The following KCTD16 variants were observed in gnomAD, a reference collection of about 807,000 sequenced individuals.
KCTD16 encodes BTB/POZ domain-containing protein KCTD16.
A neutral mutation model predicts 33.2 loss-of-function variants in KCTD16; 13 were observed. The ratio of observed to expected loss-of-function variants is 0.39; its 90% CI spans 0.25 to 0.62. The LOEUF (loss-of-function observed/expected upper bound fraction) is 0.62, where lower values mean the gene tolerates loss of function less well. Ranked by LOEUF, KCTD16 falls within the 20% of genes least tolerant of loss-of-function variation. The pLI, the probability that KCTD16 is intolerant of heterozygous loss-of-function variation, is 0.50. For synonymous variants in KCTD16, 197 were observed against 195.3 expected (o/e 1.01, Z -0.07); for missense variants, 441 against 525.1 (o/e 0.84, Z 1.57).
intron 3 of KCTD16, among the ~76,000 whole-genome samples, chr5:144,403,288 A>G (rs1273872837): frequency 6.6e-6 from 1 of 152,224 alleles, no homozygotes; most frequent in African/African-American, 2.4e-5. Flanking sequence ...TGGAAATAGC[A>G]TCTTTGTAGA....
intron 2 of KCTD16, among the ~76,000 whole-genome samples, chr5:144,189,292 A>G (rs1245147783): frequency 6.6e-6 from 1 of 152,046 alleles, no homozygotes; most frequent in Non-Finnish European, 1.5e-5. Context: ...GGAGATTGAG[A>G]CCATCCTGGC....
intron 3 of KCTD16, among the ~76,000 whole-genome samples, chr5:144,229,583 C>A (rs1287892877): frequency 6.6e-6 from 1 of 152,046 alleles, no homozygotes; most frequent in African/African-American, 2.4e-5. Context: ...CTCTTTTGTC[C>A]ACATTTTAGA....
intron 3 of KCTD16, among the ~76,000 whole-genome samples, chr5:144,271,206 A>G (rs1421567977): frequency 6.6e-6 from 1 of 152,090 alleles, no homozygotes; most frequent in Non-Finnish European, 1.5e-5. Context: ...TTAGACAAAA[A>G]TACTTCAAAG....
chr5:144,224,665 A>G (rs1753874234), intron 3 of KCTD16, among the ~76,000 whole-genome samples: 1 of 152,210 alleles, frequency 6.6e-6, no homozygotes, highest in Non-Finnish European at 1.5e-5. Context: ...CCAAACAACC[A>G]GATACAATGT....
intron 3 of KCTD16, among the ~76,000 whole-genome samples, chr5:144,331,128 T>C (rs1274228276): frequency 6.6e-6 from 1 of 152,224 alleles, no homozygotes; most frequent in Non-Finnish European, 1.5e-5. Context: ...TAAGAGTTTC[T>C]GCTTTAGGCA....
intron 3 of KCTD16, among the ~76,000 whole-genome samples, chr5:144,407,689 C>T (rs966151254): frequency 3.9e-5 from 6 of 152,278 alleles, no homozygotes; most frequent in South Asian, 2.1e-4. Flanking sequence ...TGCTTTCCCT[C>T]TCCTTGCCTC....
intron 3 of KCTD16, among the ~76,000 whole-genome samples, chr5:144,322,346 T>C (rs1752093559): frequency 1.3e-5 from 2 of 152,106 alleles, no homozygotes; most frequent in African/African-American, 2.4e-5. Flanking sequence ...TCCTACTGTT[T>C]GGTATAAAGA....
At chr5:144,373,668 T>C (rs1469494879) in intron 3 of KCTD16, among the ~76,000 whole-genome samples, 2 of 152,196 alleles carry the variant, frequency 1.3e-5, no homozygotes, top group African/African-American at 4.8e-5. Flanking sequence ...TAGATCTTTG[T>C]CATTCTTTTT....
intron 3 of KCTD16, among the ~76,000 whole-genome samples, chr5:144,378,408 A>T (rs1561586165): frequency 1.3e-5 from 2 of 152,148 alleles, no homozygotes; most frequent in Non-Finnish European, 2.9e-5. Flanking sequence ...TTGAATCAAT[A>T]CTATTTTTTA....
intron 3 of KCTD16, among the ~76,000 whole-genome samples, chr5:144,386,243 G>C (rs1752321099): frequency 6.6e-6 from 1 of 152,066 alleles, no homozygotes; most frequent in African/African-American, 2.4e-5. Flanking sequence ...GTGTAGCTAG[G>C]GTGTGTACTT....
intron 3 of KCTD16, among the ~76,000 whole-genome samples, chr5:144,344,228 A>G (rs1254629172): frequency 6.6e-6 from 1 of 152,224 alleles, no homozygotes; most frequent in African/African-American, 2.4e-5. Flanking sequence ...TTAAAGACTT[A>G]AACGTTATAC....
intron 2 of KCTD16, among the ~76,000 whole-genome samples, chr5:144,203,134 A>G (rs1753080626): frequency 6.6e-6 from 1 of 152,174 alleles, no homozygotes; most frequent in South Asian, 2.1e-4. Context: ...AAAGTAACCT[A>G]ACCTATAAAA....
At chr5:144,408,209 G>A (rs1752856299) in intron 3 of KCTD16, among the ~76,000 whole-genome samples, 1 of 152,144 alleles carries the variant, frequency 6.6e-6, no homozygotes, top group South Asian at 2.1e-4. Flanking sequence ...TTGCTCTTCT[G>A]CACATTGTTT....
At position 144,301,242 on chromosome 5, in the gene KCTD16, A is replaced by G. The variant is rs1751430952; in HGVS notation, c.832+93696A>G. Among the ~76,000 whole-genome samples, 4 of 67,310 alleles carry G rather than the reference A, an allele frequency of 5.9e-5. No homozygotes were observed. The South Asian group carries it at 8.7e-4, about 15-fold the overall frequency. 44.2% of individuals were successfully genotyped at this position (67,310 alleles called of 152,430 possible). A position where few individuals can be genotyped will look rare whatever the true frequency, so the allele number is the denominator to read the frequency against. ...GGTGACAGAGCGAGATTCCATCTCA[A>G]AAAAAAAAAAAAAAAAAAAGATCGT... On this transcript the variant is annotated intron_variant, in intron 3 of 3. Coordinates refer to ENST00000512467, the MANE Select transcript of KCTD16 (RefSeq NM_020768.4).
At chr5:144,314,210 C>G (rs1751845292) in intron 3 of KCTD16, among the ~76,000 whole-genome samples, 1 of 152,146 alleles carries the variant, frequency 6.6e-6, no homozygotes, top group African/African-American at 2.4e-5. Context: ...AATATTATAA[C>G]CATACCCCAA....
chr5:144,470,481 C>T (rs1754444424), intron 3 of KCTD16, among the ~76,000 whole-genome samples: 1 of 152,146 alleles, frequency 6.6e-6, no homozygotes, highest in African/African-American at 2.4e-5. Flanking sequence ...AATATTGGAT[C>T]AGCTGGATGG....
chr5:144,334,699 AT>A, intron 3 of KCTD16, among the ~76,000 whole-genome samples: 1 of 152,310 alleles, frequency 6.6e-6, no homozygotes, highest in Non-Finnish European at 1.5e-5. Context: ...AACTTACCGA[AT>A]TTCACATGGT....
chr5:144,220,174 C>CA (rs1224969420), intron 3 of KCTD16, among the ~76,000 whole-genome samples: 1 of 152,176 alleles, frequency 6.6e-6, no homozygotes, highest in Non-Finnish European at 1.5e-5. Flanking sequence ...TTCCACTTCT[C>CA]ATTTTTCTGA....
chr5:144,241,347 T>A (rs1754399453), intron 3 of KCTD16, among the ~76,000 whole-genome samples: 1 of 152,166 alleles, frequency 6.6e-6, no homozygotes, highest in African/African-American at 2.4e-5. Flanking sequence ...AAGTTTACAT[T>A]GAAAGCACTC....
Sources: allele counts gnomAD v4.1 joint callset (sites outside exome capture counted in the v4.1 genomes callset), GRCh38; gene constraint gnomAD v4.1.1; transcripts MANE v1.5; gene names NCBI Gene and HGNC (gene_info 2026-07-23, HGNC 2026-07-21).